DNAH11: variants seen among roughly 807,000 people sequenced by gnomAD.
The protein encoded by DNAH11 is axonemal beta dynein heavy chain 11.
Under a neutral mutation model 526.0 loss-of-function variants are expected in DNAH11, and 442 were observed. The ratio of observed to expected loss-of-function variants is 0.84; its 90% confidence interval spans 0.78 to 0.91. The LOEUF (loss-of-function observed/expected upper bound fraction) is 0.91, where lower values mean the gene tolerates loss of function less well. Ranked by LOEUF, DNAH11 falls within the 40% of genes least tolerant of loss-of-function variation. The pLI is 0.00. For synonymous variants in DNAH11, 2,461 were observed against 1,935.9 expected (o/e 1.27, Z -7.12); for missense variants, 6,989 against 5,448.7 (o/e 1.28, Z -8.90).
Position 21,705,459 on chromosome 7 carries a change from G to C in DNAH11, c.6469-1G>C. On this transcript the variant is annotated splice_acceptor_variant, in intron 38 of 81. Transcript: ENST00000409508. LOFTEE classifies it high-confidence loss of function. ...CCAGCAACCAGCTGTTTGCTCTGCA[G>C]GTTGTCCAGCTTGAGGAACTGTTGG... The C allele has an allele frequency of 6.2e-7, 1 of 1,613,644 alleles. No homozygotes were observed. The highest frequency in any genetic ancestry group is 8.5e-7 in the Non-Finnish European group (1 of 1,179,680).
intron 40 of DNAH11, 51 bp from the exon 41 acceptor site, chr7:21,710,502 A>G: frequency 6.7e-7 from 1 of 1,484,272 alleles, no homozygotes; most frequent in East Asian, 2.4e-5. Flanking sequence ...CAAGATGAAT[A>G]ATATCAATCT....
chr7:21,664,350 T>C (rs1277289553), intron 30 of DNAH11, among the ~76,000 whole-genome samples: 5 of 152,110 alleles, frequency 3.3e-5, no homozygotes, highest in Admixed American at 2.6e-4. Context: ...TGGTTTTTTT[T>C]CTGTAGGAAT....
intron 56 of DNAH11, among the ~76,000 whole-genome samples, chr7:21,776,625 T>C (rs1055684567): frequency 6.6e-6 from 1 of 152,214 alleles, no homozygotes; most frequent in Non-Finnish European, 1.5e-5. Context: ...CCTTTCTTCA[T>C]AGAGAAAGCC....
intron 69 of DNAH11, among the ~76,000 whole-genome samples, chr7:21,863,694 C>T (rs115429325): frequency 0.024 from 3,722 of 152,204 alleles, 92 homozygotes; most frequent in African/African-American, 0.061. Context: ...TAAAACTTCC[C>T]CTTGGAAGCC....
At chr7:21,744,730 A>G in intron 50 of DNAH11, 131 bp downstream of exon 50, 4 of 1,429,720 alleles carry the variant, frequency 2.8e-6, no homozygotes, top group Non-Finnish European at 2.8e-6. Context: ...TCCAGAATAC[A>G]CTTGGTCTAT....
intron 35 of DNAH11, among the ~76,000 whole-genome samples, chr7:21,695,877 A>G (rs185417186): frequency 3.1e-4 from 47 of 152,232 alleles, no homozygotes; most frequent in African/African-American, 1.1e-3. Flanking sequence ...TCTACAAGGA[A>G]CTTAAATTTA....
intron 52 of DNAH11, 92 bp from the exon 53 acceptor site, chr7:21,749,586 A>G (rs1026100393): frequency 5.9e-6 from 9 of 1,529,610 alleles, no homozygotes; most frequent in Non-Finnish European, 8.0e-6. Flanking sequence ...CTATGGCGAT[A>G]CAGTTACTGA....
chr7:21,886,210 T>G (rs1161931215), intron 76 of DNAH11, among the ~76,000 whole-genome samples: 1 of 152,184 alleles, frequency 6.6e-6, no homozygotes. Context: ...TTCCTAGAGT[T>G]CATTTTGAGA....
At chr7:21,893,950 A>G (rs1562608009) in intron 77 of DNAH11, among the ~76,000 whole-genome samples, 1 of 152,140 alleles carries the variant, frequency 6.6e-6, no homozygotes, top group Non-Finnish European at 1.5e-5. Context: ...ATGCAGTGGC[A>G]CCATCTTGGC....
intron 3 of DNAH11, 136 bp downstream of exon 3, chr7:21,559,134 G>A: frequency 1.5e-6 from 1 of 662,572 alleles, no homozygotes; most frequent in African/African-American, 1.9e-5. Context: ...GACTAGCCTG[G>A]GCAGCATAGT....
chr7:21,699,822 AG>A (rs1314198669), intron 36 of DNAH11, among the ~76,000 whole-genome samples: 2 of 152,088 alleles, frequency 1.3e-5, no homozygotes, highest in Non-Finnish European at 2.9e-5. Flanking sequence ...ACATTTAATG[AG>A]CATCTAGTAT....
intron 22 of DNAH11, among the ~76,000 whole-genome samples, chr7:21,616,837 C>A (rs1334274513): frequency 4.6e-5 from 7 of 152,118 alleles, no homozygotes; most frequent in African/African-American, 1.4e-4. Context: ...TAGCCGTATG[C>A]CCTCTGAAGA....
At chr7:21,714,800 T>C (rs1025445182) in intron 42 of DNAH11, among the ~76,000 whole-genome samples, 29 of 152,196 alleles carry the variant, frequency 1.9e-4, no homozygotes, top group African/African-American at 5.5e-4. Context: ...TTTTCTACTT[T>C]TATTAATTTT....
intron 25 of DNAH11, among the ~76,000 whole-genome samples, chr7:21,621,845 A>G (rs1786076469): frequency 6.6e-6 from 1 of 152,144 alleles, no homozygotes; most frequent in African/African-American, 2.4e-5. Flanking sequence ...ATCTATGACA[A>G]ACCCACAGCC....
At chr7:21,589,826 G>A (rs1021340719) in intron 12 of DNAH11, among the ~76,000 whole-genome samples, 1 of 152,072 alleles carries the variant, frequency 6.6e-6, no homozygotes, top group Non-Finnish European at 1.5e-5. Context: ...ATTTCATCAC[G>A]TAAGTTAAGA....
intron 76 of DNAH11, among the ~76,000 whole-genome samples, chr7:21,887,911 C>T (rs915464204): frequency 1.3e-5 from 2 of 152,124 alleles, no homozygotes; most frequent in African/African-American, 4.8e-5. Context: ...AATCAGACTC[C>T]AAAGGCTGGT....
chr7:21,715,187 C>T (rs997880013), intron 42 of DNAH11, among the ~76,000 whole-genome samples: 1 of 152,192 alleles, frequency 6.6e-6, no homozygotes, highest in Admixed American at 6.5e-5. Flanking sequence ...GACTTAGAGT[C>T]TGTTCAATTC....
intron 55 of DNAH11, among the ~76,000 whole-genome samples, chr7:21,770,456 G>A (rs1787386191): frequency 6.6e-6 from 1 of 152,064 alleles, no homozygotes; most frequent in Admixed American, 6.6e-5. Flanking sequence ...TTTGGCTTTT[G>A]GAGCATTTCA....
intron 61 of DNAH11, among the ~76,000 whole-genome samples, chr7:21,792,521 T>C (rs74619265): frequency 0.011 from 1,612 of 152,298 alleles, 23 homozygotes; most frequent in African/African-American, 0.037. Flanking sequence ...AGCCATTAGG[T>C]CCTAGGGTTT....
Sources: gnomAD v4.1 joint callset for allele counts (sites outside exome capture counted in the v4.1 genomes callset) on GRCh38, gnomAD v4.1.1 for gene constraint, MANE v1.5 for transcripts, NCBI Gene and HGNC (gene_info 2026-07-23, HGNC 2026-07-21) for gene names.